The following SP4 variants were observed in gnomAD, a reference collection of about 807,000 sequenced individuals.
The protein encoded by SP4 is transcription factor Sp4.
Under a neutral mutation model 72.8 loss-of-function variants are expected in SP4, and 19 were observed. That is an observed-to-expected ratio of 0.26 (90% CI 0.18 to 0.38). The LOEUF is 0.38. SP4 is among the 10% of genes least tolerant of loss of function. SP4 has a pLI of 1.00. For synonymous variants in SP4, 395 were observed against 333.1 expected (o/e 1.19, Z -2.02); for missense variants, 1,008 against 926.3 (o/e 1.09, Z -1.14).
At chr7:21,480,990 G>A (rs368724344) in intron 4 of SP4, among the ~76,000 whole-genome samples, 1 of 152,174 alleles carries the variant, frequency 6.6e-6, no homozygotes, top group South Asian at 2.1e-4. Context: ...TTACAACCCT[G>A]CTTTAAGAGC....
intron 5 of SP4, among the ~76,000 whole-genome samples, chr7:21,500,286 T>A (rs910158642): frequency 2.6e-5 from 4 of 152,230 alleles, no homozygotes; most frequent in Non-Finnish European, 5.9e-5. Flanking sequence ...ATATATTAGG[T>A]CAGCTATAAT....
In SP4 at chr7:21,477,881, G is replaced by A. The variant is rs73060311; in HGVS notation, c.1907+574G>A. Among the ~76,000 whole-genome samples, 1,127 of 152,054 alleles carry A rather than the reference G, an allele frequency of 7.4e-3. 7 individuals are homozygous for A. The highest frequency in any genetic ancestry group is 0.011 in the Non-Finnish European group (722 of 67,994). On this transcript the variant is annotated intron_variant, in intron 4 of 5. Coordinates refer to ENST00000222584, the MANE Select transcript of SP4 (RefSeq NM_003112.5). The stretch of plus-strand genomic sequence containing the variant: ...CATAAAATATTTACGTAACTTTATT[G>A]ATATAAAACTCATTCGTACACCATA...
intron 3 of SP4, among the ~76,000 whole-genome samples, chr7:21,433,265 CTGTTT>C (rs1433596533): frequency 6.6e-6 from 1 of 152,120 alleles, no homozygotes; most frequent in African/African-American, 2.4e-5. Flanking sequence ...TTGGGTGGTT[CTGTTT>C]TAAGTAGAGG....
intron 3 of SP4, among the ~76,000 whole-genome samples, chr7:21,458,233 C>A (rs945925480): frequency 2.0e-5 from 3 of 152,168 alleles, no homozygotes; most frequent in African/African-American, 7.2e-5. Context: ...CACTCTGTTG[C>A]CCAGGCTGGA....
intron 3 of SP4, among the ~76,000 whole-genome samples, chr7:21,432,371 G>A (rs1232119730): frequency 6.6e-6 from 1 of 152,214 alleles, no homozygotes; most frequent in African/African-American, 2.4e-5. Flanking sequence ...TGGGTTGAAT[G>A]ACAGTTTGCA....
At chr7:21,477,366 C>A in intron 4 of SP4, 59 bp downstream of exon 4, 1 of 1,058,418 alleles carries the variant, frequency 9.4e-7, no homozygotes, top group Non-Finnish European at 1.4e-6. Flanking sequence ...CAGTTAAAAC[C>A]AAGTAATTGG....
chr7:21,469,046 A>G (rs1278728692), intron 3 of SP4, among the ~76,000 whole-genome samples: 2 of 152,152 alleles, frequency 1.3e-5, no homozygotes, highest in Non-Finnish European at 2.9e-5. Context: ...TCCCTTGGAA[A>G]TAATAAACAA....
intron 5 of SP4, among the ~76,000 whole-genome samples, chr7:21,495,163 C>T (rs1442001030): frequency 1.3e-5 from 2 of 152,112 alleles, no homozygotes; most frequent in Non-Finnish European, 2.9e-5. Flanking sequence ...TCTTTGCAGC[C>T]TTGAGATAGG....
chr7:21,513,035 T>A lies in SP4; in HGVS notation c.*1766T>A, dbSNP rs536612844. 6.5e-6 allele frequency: 1 copy of A among 152,678 alleles called. No individual in the cohort carries two copies. The highest frequency in any genetic ancestry group is 2.4e-5 in the African/African-American group (1 of 41,460). 9.5% of individuals were successfully genotyped at this position (152,678 alleles called of 1,614,324 possible). On this transcript the variant is annotated 3_prime_UTR_variant, in exon 6 of 6. Coordinates refer to ENST00000222584, the MANE Select transcript of SP4 (RefSeq NM_003112.5). ...AAACTAAAAGTTTTTACCTACCTGC[T>A]CAATTTATTAACATCATTGCTTTGG...
At chr7:21,461,451 G>A (rs572812532) in intron 3 of SP4, among the ~76,000 whole-genome samples, 7 of 152,334 alleles carry the variant, frequency 4.6e-5, no homozygotes, top group South Asian at 2.1e-4. Flanking sequence ...TGGGGGACCC[G>A]GCGCATCCTC....
At chr7:21,489,546 C>CT (rs1317383340) in intron 5 of SP4, among the ~76,000 whole-genome samples, 2 of 56,774 alleles carry the variant, frequency 3.5e-5, no homozygotes, top group Admixed American at 1.3e-4. Flanking sequence ...GTCTTTTTTT[C>CT]TTTTTTCTTT....
At chr7:21,469,405 A>G (rs1288189821) in intron 3 of SP4, among the ~76,000 whole-genome samples, 1 of 152,144 alleles carries the variant, frequency 6.6e-6, no homozygotes, top group African/African-American at 2.4e-5. Flanking sequence ...TATGGTGAGC[A>G]TGCTTTGTTC....
At chr7:21,493,075 C>T (rs1175206056) in intron 5 of SP4, among the ~76,000 whole-genome samples, 2 of 152,222 alleles carry the variant, frequency 1.3e-5, no homozygotes, top group African/African-American at 4.8e-5. Context: ...TGGCATGTGC[C>T]TGTAGTTCCA....
intron 3 of SP4, among the ~76,000 whole-genome samples, chr7:21,432,886 T>G (rs1218349996): frequency 6.6e-6 from 1 of 152,254 alleles, no homozygotes; most frequent in Middle Eastern, 3.4e-3. Flanking sequence ...CTCAGCGTCT[T>G]GGGAGGCTGA....
chr7:21,442,836 A>G (rs1320056930), intron 3 of SP4, among the ~76,000 whole-genome samples: 2 of 152,154 alleles, frequency 1.3e-5, no homozygotes, highest in African/African-American at 2.4e-5. Flanking sequence ...TCCGGGTTCA[A>G]GTGATTCTCC....
At chr7:21,470,402 C>T (rs764800317) in intron 3 of SP4, among the ~76,000 whole-genome samples, 2 of 152,078 alleles carry the variant, frequency 1.3e-5, no homozygotes, top group African/African-American at 4.8e-5. Context: ...CTAATTCAAC[C>T]AATTCTTGAG....
intron 3 of SP4, among the ~76,000 whole-genome samples, chr7:21,465,251 C>G (rs1313604328): frequency 6.6e-6 from 1 of 152,152 alleles, no homozygotes; most frequent in Non-Finnish European, 1.5e-5. Flanking sequence ...CAGGGAGTTT[C>G]AAAAGAGCAA....
intron 5 of SP4, among the ~76,000 whole-genome samples, chr7:21,501,540 C>T (rs1342209591): frequency 6.6e-6 from 1 of 152,146 alleles, no homozygotes; most frequent in Non-Finnish European, 1.5e-5. Flanking sequence ...TGCTAGTCCC[C>T]CCACACAAGG....
intron 3 of SP4, among the ~76,000 whole-genome samples, chr7:21,432,720 G>A (rs1249901930): frequency 2.6e-5 from 4 of 152,204 alleles, no homozygotes; most frequent in African/African-American, 7.2e-5. Flanking sequence ...GTGGCTGGGT[G>A]TGGTGGCTCA....
Sources: gnomAD v4.1 joint callset for allele counts (sites outside exome capture counted in the v4.1 genomes callset) on GRCh38, gnomAD v4.1.1 for gene constraint, MANE v1.5 for transcripts, NCBI Gene and HGNC (gene_info 2026-07-23, HGNC 2026-07-21) for gene names.